The following QRSL1 variants were observed in gnomAD, a reference collection of about 807,000 sequenced individuals.
QRSL1 encodes glutaminyl-tRNA amidotransferase subunit QRSL1, also known as glutamyl-tRNA(Gln) amidotransferase subunit A, mitochondrial.
In QRSL1, 54 loss-of-function variants were observed where a neutral mutation model predicts 61.6. The ratio of observed to expected loss-of-function variants is 0.88; its 90% CI spans 0.70 to 1.10. The LOEUF (loss-of-function observed/expected upper bound fraction) is 1.10. Among genes scored for constraint, QRSL1 ranks in the 50% least tolerant of loss-of-function variants. The pLI is 0.00. For missense variants in QRSL1, 505 were observed against 622.6 expected (o/e 0.81, Z 2.01); for synonymous variants, 228 against 225.7 (o/e 1.01, Z -0.09).
rs1777446929 is a variant in QRSL1, at chr6:106,666,991, A to G, written c.*989A>G. 6.6e-6 allele frequency: 1 copy of G among 152,226 alleles called. No homozygotes were observed. Among genetic ancestry groups the G allele is most frequent in the South Asian group, 2.1e-4 (1 of 4,830 alleles). 9.4% of individuals were successfully genotyped at this position (152,226 alleles called of 1,614,324 possible). A position where few individuals can be genotyped will look rare whatever the true frequency, so the allele number is the denominator to read the frequency against. ...TTTTACTTCTGCTATTCCGGAGCCC[A>G]TGCCTAGAAGCCAGAACAACTCCAT... is the stretch of plus-strand genomic sequence containing the variant. On this transcript the variant is annotated 3_prime_UTR_variant, in exon 11 of 11. Transcript: ENST00000369046.
intron 3 of QRSL1, among the ~76,000 whole-genome samples, chr6:106,641,412 C>T (rs1039436752): frequency 6.6e-6 from 1 of 152,170 alleles, no homozygotes; most frequent in African/African-American, 2.4e-5. Flanking sequence ...CTGTGGATGA[C>T]GTGAGGATTC....
chr6:106,654,408 T>C (rs994337959), intron 7 of QRSL1, among the ~76,000 whole-genome samples: 2 of 150,654 alleles, frequency 1.3e-5, no homozygotes, highest in African/African-American at 2.5e-5. Context: ...ATTTAACATA[T>C]ATGCTGATAT....
At chr6:106,637,661 G>A (rs1008587673) in intron 1 of QRSL1, among the ~76,000 whole-genome samples, 4 of 152,182 alleles carry the variant, frequency 2.6e-5, no homozygotes, top group Non-Finnish European at 4.4e-5. Context: ...GAGAAGCAGC[G>A]GCTGCCAGGG....
chr6:106,653,481 G>A (rs1777216715), intron 7 of QRSL1: 1 of 152,050 alleles, frequency 6.6e-6, no homozygotes, highest in African/African-American at 2.4e-5. Flanking sequence ...GTAACCCCCA[G>A]GTAAGACCAC....
intron 8 of QRSL1, 82 bp from the exon 9 acceptor site, chr6:106,655,533 A>AAAAT: frequency 1.3e-6 from 1 of 778,896 alleles, no homozygotes; most frequent in Non-Finnish European, 2.1e-6. Context: ...AAAAAAAAAA[A>AAAAT]GTGAATCTAG....
chr6:106,642,671 T>C, intron 3 of QRSL1: 2 of 769,804 alleles, frequency 2.6e-6, no homozygotes, highest in South Asian at 2.7e-5. Flanking sequence ...GCTGTTGGCA[T>C]TGTTGTAAAC....
chr6:106,658,649 T>A (rs1008698412), intron 9 of QRSL1, among the ~76,000 whole-genome samples: 2 of 152,226 alleles, frequency 1.3e-5, no homozygotes, highest in Non-Finnish European at 2.9e-5. Flanking sequence ...AAGTCTGTTG[T>A]CATTCTTATG....
At position 106,652,330 on chromosome 6, in the gene QRSL1, A is replaced by G; in HGVS notation, c.679A>G (p.Met227Val). 6.2e-7 allele frequency: 1 copy of G among 1,614,156 alleles called. No individual in the cohort carries two copies. Among genetic ancestry groups the G allele is most frequent in the Non-Finnish European group, 8.5e-7 (1 of 1,180,034 alleles). ...TGGTCTCATTCCCCTGGTGAATTCG[A>G]TGGATGTGCCAGGAATCTTAACCAG... The part of the protein sequence containing the change: ...RHGLIPLVNS[M>V]DVPGILTRCV... Residue 227 changes from methionine (M) to valine (V), a missense_variant, in exon 6 of 11, where the codon ATG (methionine) becomes GTG (valine). Transcript: ENST00000369046.
chr6:106,648,864 T>C (rs1194564294), intron 4 of QRSL1, among the ~76,000 whole-genome samples, 161 bp from the exon 5 acceptor site: 2 of 152,264 alleles, frequency 1.3e-5, no homozygotes, highest in Non-Finnish European at 2.9e-5. Flanking sequence ...TGTCAATTAA[T>C]GAAAGCTACA....
intron 1 of QRSL1, among the ~76,000 whole-genome samples, chr6:106,638,940 A>G (rs12530128): frequency 0.11 from 17,212 of 152,154 alleles, 1,338 homozygotes; most frequent in Middle Eastern, 0.2. Context: ...TGGAGGACAA[A>G]CTAAGCTTCC....
intron 4 of QRSL1, among the ~76,000 whole-genome samples, chr6:106,647,811 C>G (rs1161426780): frequency 6.8e-6 from 1 of 148,050 alleles, no homozygotes. Flanking sequence ...CCACCACGCC[C>G]GGCTAATTTT....
chr6:106,658,883 C>T (rs1438462197), intron 9 of QRSL1, among the ~76,000 whole-genome samples: 1 of 152,046 alleles, frequency 6.6e-6, no homozygotes, highest in African/African-American at 2.4e-5. Flanking sequence ...TTCTGTCCTC[C>T]ATCTGTCTGG....
At chr6:106,650,831 C>G (rs1429451831) in intron 5 of QRSL1, among the ~76,000 whole-genome samples, 1 of 152,118 alleles carries the variant, frequency 6.6e-6, no homozygotes, top group African/African-American at 2.4e-5. Flanking sequence ...GGCTGTGATT[C>G]TAAGAGTAAT....
chr6:106,664,666 G>C (rs925514348), intron 10 of QRSL1, among the ~76,000 whole-genome samples: 5 of 152,208 alleles, frequency 3.3e-5, no homozygotes, highest in Admixed American at 3.3e-4. Flanking sequence ...ATTGGGTTGA[G>C]TTAAACATTT....
intron 1 of QRSL1, 95 bp from the exon 2 acceptor site, chr6:106,640,254 A>G (rs1776996135): frequency 9.1e-7 from 1 of 1,100,138 alleles, no homozygotes; most frequent in African/African-American, 1.6e-5. Flanking sequence ...TTAAAATGTT[A>G]TACTTAGCCA....
At chr6:106,640,258 T>G in intron 1 of QRSL1, 91 bp from the exon 2 acceptor site, 1 of 1,157,710 alleles carries the variant, frequency 8.6e-7, no homozygotes, top group South Asian at 1.4e-5. Flanking sequence ...AATGTTATAC[T>G]TAGCCACTCC....
At chr6:106,641,215 T>C (rs756432398) in intron 3 of QRSL1, among the ~76,000 whole-genome samples, 8 of 152,168 alleles carry the variant, frequency 5.3e-5, no homozygotes, top group Non-Finnish European at 8.8e-5. Flanking sequence ...TCCCAGCTAC[T>C]TGGGAGGCTG....
At chr6:106,654,955 AG>A in intron 8 of QRSL1, 33 bp downstream of exon 8, 1 of 1,510,370 alleles carries the variant, frequency 6.6e-7, no homozygotes, top group Non-Finnish European at 8.9e-7. Context: ...TTTTTAAGGT[AG>A]TTGTCGCAAA....
intron 7 of QRSL1, 200 bp downstream of exon 7, chr6:106,652,782 G>A: frequency 6.8e-7 from 1 of 1,478,522 alleles, no homozygotes; most frequent in Non-Finnish European, 9.0e-7. Context: ...ACTTCAGAGA[G>A]GTTTGTGAGG....
Sources: gnomAD v4.1 joint callset for allele counts (sites outside exome capture counted in the v4.1 genomes callset) on GRCh38, gnomAD v4.1.1 for gene constraint, MANE v1.5 for transcripts, NCBI Gene and HGNC (gene_info 2026-07-23, HGNC 2026-07-21) for gene names.